The following CNTN5 variants were observed in gnomAD, a reference collection of about 807,000 sequenced individuals.
CNTN5 encodes the protein contactin 5.
Under a neutral mutation model 129.1 loss-of-function variants are expected in CNTN5, and 77 were observed. The observed-to-expected ratio is 0.60, with a 90% CI of 0.50 to 0.72. CNTN5 has a LOEUF of 0.72. Among genes scored for constraint, CNTN5 ranks in the 30% least tolerant of loss-of-function variants. The pLI, the probability that CNTN5 is intolerant of heterozygous loss-of-function variation, is 0.00. For synonymous variants in CNTN5, 509 were observed against 465.6 expected, an observed-to-expected ratio of 1.09 and a Z score of -1.20; for missense variants, 1,478 against 1,328.8, an observed-to-expected ratio of 1.11 and a Z score of -1.75.
chr11:100,342,975 T>A (rs993983397), intron 23 of CNTN5, among the ~76,000 whole-genome samples: 1 of 152,174 alleles, frequency 6.6e-6, no homozygotes, highest in African/African-American at 2.4e-5. Flanking sequence ...TAATAATACA[T>A]ATTATACAGG....
intron 1 of CNTN5, among the ~76,000 whole-genome samples, chr11:99,092,576 AT>A (rs1341844922): frequency 1.3e-5 from 2 of 152,128 alleles, no homozygotes; most frequent in Non-Finnish European, 2.9e-5. Context: ...AATGTACAAT[AT>A]TTGAAAAATT....
At chr11:99,619,644 C>T (rs1565354725) in intron 3 of CNTN5, among the ~76,000 whole-genome samples, 1 of 152,018 alleles carries the variant, frequency 6.6e-6, no homozygotes, top group African/African-American at 2.4e-5. Context: ...ACTCTGTGAT[C>T]GAGGCCTAGT....
chr11:99,201,493 A>G (rs1384418558), intron 1 of CNTN5, among the ~76,000 whole-genome samples: 1 of 150,064 alleles, frequency 6.7e-6, no homozygotes, highest in African/African-American at 2.5e-5. Context: ...TGTGATAGGC[A>G]GAACCCACAT....
intron 6 of CNTN5, among the ~76,000 whole-genome samples, chr11:99,894,530 C>T (rs79363188): frequency 1.1e-5 from 1 of 93,852 alleles, no homozygotes; most frequent in African/African-American, 3.9e-5. Context: ...AAAAAAAAAA[C>T]CAAAAAACAA....
intron 21 of CNTN5, among the ~76,000 whole-genome samples, chr11:100,321,015 G>A (rs913249723): frequency 2.0e-5 from 3 of 151,846 alleles, no homozygotes; most frequent in Non-Finnish European, 2.9e-5. Flanking sequence ...TATTCTTTTT[G>A]CTCAAGATTG....
chr11:99,638,832 T>C (rs769914788), intron 3 of CNTN5, among the ~76,000 whole-genome samples: 8 of 152,126 alleles, frequency 5.3e-5, no homozygotes, highest in Non-Finnish European at 1.2e-4. Context: ...CGGGCTGCGT[T>C]TGAGTGTCTG....
rs569719140 is a variant in CNTN5 at position 99,965,882 on chromosome 11, G to A, written c.877+8873G>A. Among the ~76,000 whole-genome samples the A allele has an allele frequency of 1.2e-4, 19 of 152,208 alleles. No homozygotes were observed. In the East Asian group the frequency reaches 1.5e-3, roughly 12 times the overall value. On this transcript the variant is annotated intron_variant, in intron 8 of 24. Transcript: ENST00000524871. ...TTCAAAAAATATGATTGAAAAGTAC[G>A]TTCATAAGAAGGACACTTTCCTGAA...
chr11:99,830,782 C>CT, intron 4 of CNTN5, among the ~76,000 whole-genome samples: 1 of 152,112 alleles, frequency 6.6e-6, no homozygotes, highest in South Asian at 2.1e-4. Context: ...TACTTAAATG[C>CT]TTTTTTACCA....
chr11:100,017,537 T>C (rs544902460), intron 9 of CNTN5, among the ~76,000 whole-genome samples: 1 of 151,950 alleles, frequency 6.6e-6, no homozygotes. Context: ...AGACTAAAAT[T>C]GGCATATATA....
intron 7 of CNTN5, among the ~76,000 whole-genome samples, chr11:99,953,042 G>A (rs929519851): frequency 2.0e-5 from 3 of 152,058 alleles, no homozygotes; most frequent in East Asian, 2.0e-4. Context: ...AAGAAGAATG[G>A]TTATTTCCCA....
Position 99,061,389 on chromosome 11 carries a change from A to T in CNTN5, c.-210+40119A>T, listed in dbSNP as rs116678927. ...GGAAAGCTGTATCAGCAGCAGTGGT[A>T]GTGAAAATCTGATTCCGCCCAACTG... is the stretch of plus-strand genomic sequence containing the variant. On this transcript the variant is annotated intron_variant, in intron 1 of 24. Transcript: ENST00000524871. Among the ~76,000 whole-genome samples, 422 of 152,192 alleles carry T rather than the reference A, an allele frequency of 2.8e-3. 3 individuals are homozygous for T. The highest frequency in any genetic ancestry group is 9.7e-3 in the African/African-American group (404 of 41,546).
At position 99,422,249 on chromosome 11, in the gene CNTN5, TA is replaced by T. The variant is rs534782948; in HGVS notation, c.-71+96767del. On this transcript the variant is annotated intron_variant, in intron 2 of 24. Transcript: ENST00000524871. ...AATCATCATAATATGCAACCTGGGT[TA>T]ATTAGCTTGATATTTTTGTTTTTTG... 3.4e-4 allele frequency among the ~76,000 whole-genome samples: 52 copies of T among 152,246 alleles called. 1 individual carries two copies. In the South Asian group the frequency reaches 0.011, roughly 31 times the overall value.
At chr11:99,123,557 A>C (rs1264576501) in intron 1 of CNTN5, among the ~76,000 whole-genome samples, 3 of 151,274 alleles carry the variant, frequency 2.0e-5, no homozygotes, top group African/African-American at 7.3e-5. Context: ...AATAATTGCC[A>C]ATTTTTCTTT....
chr11:99,641,296 A>G (rs1690808), intron 3 of CNTN5, among the ~76,000 whole-genome samples: 33,029 of 152,186 alleles, frequency 0.22, 4,184 homozygotes, highest in Middle Eastern at 0.35. Context: ...AGGGCCAAGA[A>G]CTACCTGAAC....
intron 2 of CNTN5, among the ~76,000 whole-genome samples, chr11:99,517,509 A>T (rs79663886): frequency 0.066 from 10,003 of 152,134 alleles, 360 homozygotes; most frequent in African/African-American, 0.097. Flanking sequence ...TAAGGTTTAT[A>T]TTCACACATT....
intron 1 of CNTN5, among the ~76,000 whole-genome samples, chr11:99,231,489 C>T (rs979380920): frequency 6.6e-6 from 1 of 151,826 alleles, no homozygotes; most frequent in Non-Finnish European, 1.5e-5. Flanking sequence ...CACTTTTTAA[C>T]GGGGTTATTT....
intron 1 of CNTN5, among the ~76,000 whole-genome samples, chr11:99,231,359 T>C (rs1214112491): frequency 1.3e-5 from 2 of 152,220 alleles, no homozygotes; most frequent in South Asian, 4.1e-4. Context: ...CCTGATATGG[T>C]ATCTCATTCT....
intron 21 of CNTN5, chr11:100,309,225 T>C (rs1951418879): frequency 4.1e-6 from 4 of 984,986 alleles, no homozygotes; most frequent in Non-Finnish European, 4.8e-6. Flanking sequence ...AAATTTATTC[T>C]TACTTTTCCT....
At chr11:99,830,056 A>G (rs1281027802) in intron 4 of CNTN5, among the ~76,000 whole-genome samples, 1 of 152,066 alleles carries the variant, frequency 6.6e-6, no homozygotes, top group Non-Finnish European at 1.5e-5. Context: ...AGGTTAAGAT[A>G]TTTTATTTTT....
Sources: allele counts gnomAD v4.1 joint callset (sites outside exome capture counted in the v4.1 genomes callset), GRCh38; gene constraint gnomAD v4.1.1; transcripts MANE v1.5; gene names NCBI Gene and HGNC (gene_info 2026-07-23, HGNC 2026-07-21).